NCKAP5: variants seen among roughly 807,000 people sequenced by gnomAD.
NCKAP5 encodes NCK associated protein 5.
NCKAP5 carries 92 observed loss-of-function variants against 167.0 expected under a neutral mutation model. The ratio of observed to expected loss-of-function variants is 0.55; its 90% CI spans 0.47 to 0.66. The LOEUF is 0.66. NCKAP5 is among the 30% of genes least tolerant of loss of function. The probability of loss-of-function intolerance (pLI) is 0.00; values close to 1 mark genes in which losing one functional copy is unlikely to be tolerated. For synonymous variants in NCKAP5, 891 were observed against 877.4 expected, an observed-to-expected ratio of 1.02 and a Z score of -0.27; for missense variants, 2,378 against 2,315.0, an observed-to-expected ratio of 1.03 and a Z score of -0.56.
At chr2:133,325,809 C>CT (rs1348799643) in intron 3 of NCKAP5, among the ~76,000 whole-genome samples, 1 of 152,212 alleles carries the variant, frequency 6.6e-6, no homozygotes, top group African/African-American at 2.4e-5. Context: ...GGCATCTCTG[C>CT]TAGCCTTGGC....
intron 3 of NCKAP5, among the ~76,000 whole-genome samples, chr2:133,440,357 T>G (rs185488854): frequency 1.3e-5 from 2 of 152,260 alleles, no homozygotes; most frequent in African/African-American, 4.8e-5. Flanking sequence ...CAGGGACTGG[T>G]ATGCAGTAGG....
At chr2:133,002,980 A>C (rs536672635) in intron 6 of NCKAP5, among the ~76,000 whole-genome samples, 1 of 152,328 alleles carries the variant, frequency 6.6e-6, no homozygotes, top group South Asian at 2.1e-4. Flanking sequence ...CATGCAGCTA[A>C]GATGCAAGTC....
intron 6 of NCKAP5, among the ~76,000 whole-genome samples, chr2:132,997,091 G>A (rs2077625450): frequency 2.0e-5 from 3 of 152,206 alleles, no homozygotes; most frequent in African/African-American, 7.2e-5. Context: ...GGCTCTAGGA[G>A]ACCAGTGAAT....
At chr2:133,063,627 C>G (rs1268692625) in intron 6 of NCKAP5, among the ~76,000 whole-genome samples, 8 of 152,152 alleles carry the variant, frequency 5.3e-5, no homozygotes, top group African/African-American at 1.7e-4. Context: ...CTGCTGGCCT[C>G]TTTGTTCTAG....
At chr2:133,421,789 T>C (rs962784436) in intron 3 of NCKAP5, among the ~76,000 whole-genome samples, 2 of 152,228 alleles carry the variant, frequency 1.3e-5, no homozygotes, top group Non-Finnish European at 2.9e-5. Flanking sequence ...ACTTTCCTCT[T>C]TCTGAACAGG....
intron 6 of NCKAP5, among the ~76,000 whole-genome samples, chr2:133,051,844 T>A (rs1305856236): frequency 6.6e-6 from 1 of 152,196 alleles, no homozygotes; most frequent in East Asian, 1.9e-4. Context: ...GCTTCATAGA[T>A]GAAAATGGTT....
At position 133,143,873 on chromosome 2, in the gene NCKAP5, T is replaced by C. The variant is rs115029386; in HGVS notation, c.208-13762A>G. 4.6e-3 allele frequency among the ~76,000 whole-genome samples: 706 copies of C among 152,160 alleles called. 1 individual carries two copies. The highest frequency in any genetic ancestry group is 0.016 in the African/African-American group (661 of 41,526). ...AGTAAGTAAATAGCAGAGCCAAGGT[T>C]TGAGCCCATGCAATCTGATTCCAGG... On this transcript the variant is annotated intron_variant, in intron 5 of 19. Coordinates refer to ENST00000409261, the MANE Select transcript of NCKAP5 (RefSeq NM_207363.3).
the NCKAP5 span, among the ~76,000 whole-genome samples, chr2:133,665,500 G>T: frequency 2.0e-5 from 3 of 152,292 alleles, no homozygotes; most frequent in African/African-American, 7.2e-5. Context: ...GGCATAGTCT[G>T]TGATACCTCA....
chr2:133,058,241 C>T (rs1372158141), intron 6 of NCKAP5, among the ~76,000 whole-genome samples: 1 of 152,224 alleles, frequency 6.6e-6, no homozygotes, highest in Non-Finnish European at 1.5e-5. Context: ...GTTAATACAA[C>T]ATCCATTCTG....
At chr2:133,231,926 C>T (rs1012174920) in intron 4 of NCKAP5, among the ~76,000 whole-genome samples, 4 of 152,244 alleles carry the variant, frequency 2.6e-5, no homozygotes, top group Non-Finnish European at 5.9e-5. Context: ...AAGACATTTG[C>T]TAAAGCTTTG....
At chr2:133,337,838 C>T (rs1443788844) in intron 3 of NCKAP5, among the ~76,000 whole-genome samples, 1 of 152,194 alleles carries the variant, frequency 6.6e-6, no homozygotes, top group Non-Finnish European at 1.5e-5. Flanking sequence ...CAAATATGCT[C>T]ATTATACCAA....
intron 6 of NCKAP5, among the ~76,000 whole-genome samples, chr2:133,119,470 G>C (rs1056268559): frequency 4.6e-5 from 7 of 152,262 alleles, no homozygotes; most frequent in South Asian, 2.1e-4. Flanking sequence ...CAATTGCTTA[G>C]ATCAGTAGGG....
intron 3 of NCKAP5, among the ~76,000 whole-genome samples, chr2:133,393,662 T>C (rs138153296): frequency 6.6e-6 from 1 of 152,368 alleles, no homozygotes; most frequent in African/African-American, 2.4e-5. Context: ...GTGTGAGTTC[T>C]ACCACCTGTT....
chr2:133,496,956 C>G (rs1682005209), intron 3 of NCKAP5, among the ~76,000 whole-genome samples: 1 of 152,206 alleles, frequency 6.6e-6, no homozygotes, highest in Non-Finnish European at 1.5e-5. Flanking sequence ...AAATGTTTCT[C>G]TAACAAAGCA....
chr2:132,778,622 T>C (rs530870529), intron 15 of NCKAP5, among the ~76,000 whole-genome samples: 9 of 152,314 alleles, frequency 5.9e-5, no homozygotes, highest in Non-Finnish European at 1.2e-4. Context: ...ATTGCATATA[T>C]ACATTGTTTT....
At chr2:133,571,299 C>T (rs981063216), upstream of NCKAP5, among the ~76,000 whole-genome samples, 2 of 151,932 alleles carry the variant, frequency 1.3e-5, no homozygotes, top group Non-Finnish European at 2.9e-5. Context: ...CATACCTTCC[C>T]GAGGGAGAGT....
intron 2 of NCKAP5, among the ~76,000 whole-genome samples, chr2:133,548,953 G>C (rs1349956485): frequency 6.6e-6 from 1 of 151,846 alleles, no homozygotes; most frequent in Non-Finnish European, 1.5e-5. Context: ...CAAGAGTCAA[G>C]ACCCATCAGT....
intron 6 of NCKAP5, among the ~76,000 whole-genome samples, chr2:133,112,477 A>G (rs1183819958): frequency 6.6e-6 from 1 of 152,176 alleles, no homozygotes; most frequent in African/African-American, 2.4e-5. Context: ...CCGTCTTAAA[A>G]AAAAAAAAAG....
At chr2:133,611,455 G>A in the NCKAP5 span, among the ~76,000 whole-genome samples, 6 of 152,206 alleles carry the variant, frequency 3.9e-5, no homozygotes, top group African/African-American at 1.4e-4. Context: ...CAGGATGACA[G>A]GTTCATGAGC....
Sources: gnomAD v4.1 joint callset for allele counts (sites outside exome capture counted in the v4.1 genomes callset) on GRCh38, gnomAD v4.1.1 for gene constraint, MANE v1.5 for transcripts, NCBI Gene and HGNC (gene_info 2026-07-23, HGNC 2026-07-21) for gene names.